The following CHRM2 variants were observed in gnomAD, a reference collection of about 807,000 sequenced individuals.
CHRM2 encodes cholinergic receptor muscarinic 2.
Under a neutral mutation model 25.0 loss-of-function variants are expected in CHRM2, and 8 were observed. The ratio of observed to expected loss-of-function variants is 0.32; its 90% CI spans 0.19 to 0.58. CHRM2 has a LOEUF of 0.58. Among genes scored for constraint, CHRM2 ranks in the 20% least tolerant of loss-of-function variants. CHRM2 has a pLI of 0.88. For synonymous variants in CHRM2, 202 were observed against 205.7 expected (o/e 0.98, Z 0.15); for missense variants, 440 against 567.1 (o/e 0.78, Z 2.28).
chr7:137,012,110 C>T (rs1490217314), intron 3 of CHRM2, among the ~76,000 whole-genome samples: 1 of 152,010 alleles, frequency 6.6e-6, no homozygotes, highest in Non-Finnish European at 1.5e-5. Context: ...AGAGTCAATA[C>T]ATTCATTTTT....
intron 2 of CHRM2, among the ~76,000 whole-genome samples, chr7:136,893,424 C>T (rs1796771897): frequency 1.3e-5 from 2 of 152,118 alleles, no homozygotes; most frequent in Non-Finnish European, 1.5e-5. Context: ...ATGACATAGT[C>T]GAGATAAATG....
intron 3 of CHRM2, among the ~76,000 whole-genome samples, chr7:137,003,346 A>G (rs935938848): frequency 6.6e-6 from 1 of 152,090 alleles, no homozygotes; most frequent in African/African-American, 2.4e-5. Context: ...CATTCCACTG[A>G]TGCTTTATGA....
intron 2 of CHRM2, among the ~76,000 whole-genome samples, chr7:136,893,453 C>T (rs1446870657): frequency 1.3e-5 from 2 of 152,092 alleles, no homozygotes; most frequent in Admixed American, 6.5e-5. Context: ...TCTTTCTTTC[C>T]TTTTACCATT....
intron 2 of CHRM2, among the ~76,000 whole-genome samples, chr7:136,988,975 G>T (rs945600535): frequency 6.6e-6 from 1 of 151,740 alleles, no homozygotes; most frequent in Admixed American, 6.6e-5. Context: ...AATACTTTTA[G>T]AATTTTACAG....
chr7:136,986,191 A>G (rs1204137887), intron 2 of CHRM2, among the ~76,000 whole-genome samples: 1 of 152,186 alleles, frequency 6.6e-6, no homozygotes, highest in African/African-American at 2.4e-5. Flanking sequence ...CCTCAGAACT[A>G]TCTTTAAAGT....
chr7:136,935,123 A>G (rs1799336094), intron 2 of CHRM2, among the ~76,000 whole-genome samples: 1 of 152,164 alleles, frequency 6.6e-6, no homozygotes, highest in South Asian at 2.1e-4. Flanking sequence ...ATTTAAATAT[A>G]AGAAGAGCCA....
intron 2 of CHRM2, among the ~76,000 whole-genome samples, chr7:136,884,901 C>G (rs1301015248): frequency 6.6e-6 from 1 of 152,184 alleles, no homozygotes; most frequent in African/African-American, 2.4e-5. Context: ...AAGATCAAAA[C>G]TTACAATGAA....
chr7:136,922,193 G>A (rs1246181993), intron 2 of CHRM2, among the ~76,000 whole-genome samples: 1 of 152,124 alleles, frequency 6.6e-6, no homozygotes, highest in Non-Finnish European at 1.5e-5. Context: ...CAGCAACTTT[G>A]GTGTCATCCT....
Position 136,990,514 on chromosome 7 carries a change from A to G in CHRM2, c.-124-1673A>G, listed in dbSNP as rs1803152708. ...TGCTGTCTCTCACGTAACAATATGC[A>G]TTTAATGTTCCCTTATGTCTTTTCA... On this transcript the variant is annotated intron_variant, in intron 2 of 3. Transcript: ENST00000680005. Among the ~76,000 whole-genome samples the G allele has an allele frequency of 2.6e-5, 4 of 152,240 alleles. No homozygotes were observed. The South Asian group carries it at 8.3e-4, about 32-fold the overall frequency.
intron 3 of CHRM2, among the ~76,000 whole-genome samples, chr7:137,010,532 T>C (rs949537877): frequency 4.0e-4 from 61 of 152,106 alleles, no homozygotes; most frequent in African/African-American, 1.4e-3. Flanking sequence ...AAGAGTAGAA[T>C]TGGCATGCAG....
intron 2 of CHRM2, among the ~76,000 whole-genome samples, chr7:136,981,738 T>C (rs1802502208): frequency 6.6e-6 from 1 of 152,220 alleles, no homozygotes; most frequent in Non-Finnish European, 1.5e-5. Context: ...GTTGTTCAGT[T>C]TCCATGTAGT....
chr7:136,919,238 T>C (rs1363056322), intron 2 of CHRM2, among the ~76,000 whole-genome samples: 1 of 152,128 alleles, frequency 6.6e-6, no homozygotes, highest in African/African-American at 2.4e-5. Context: ...AAAGTGGTGG[T>C]ATGCACTTTT....
chr7:137,004,776 A>G (rs1804309130), intron 3 of CHRM2, among the ~76,000 whole-genome samples: 1 of 152,002 alleles, frequency 6.6e-6, no homozygotes, highest in Non-Finnish European at 1.5e-5. Context: ...GCAGCTTTTT[A>G]TGTTTCTTCA....
In CHRM2 at chr7:136,979,411, T is replaced by C. The variant is rs547303753; in HGVS notation, c.-124-12776T>C. ...TCTGTAGGTTGCCTGTTCACTCTGA[T>C]GATAGTTTCTTTTGCTGTGTAGAAG... On this transcript the variant is annotated intron_variant, in intron 2 of 3. Coordinates refer to ENST00000680005, the MANE Select transcript of CHRM2 (RefSeq NM_001006630.2). Among the ~76,000 whole-genome samples, 4 of 152,362 alleles carry C rather than the reference T, an allele frequency of 2.6e-5. No individual in the cohort carries two copies. In the South Asian group the frequency reaches 8.3e-4, roughly 32 times the overall value.
intron 3 of CHRM2, among the ~76,000 whole-genome samples, chr7:136,996,101 G>A (rs1285133944): frequency 1.3e-5 from 2 of 151,708 alleles, no homozygotes; most frequent in Admixed American, 1.3e-4. Context: ...AATGTTTCTG[G>A]AGTGATTTTT....
At chr7:136,982,291 G>T (rs1802542002) in intron 2 of CHRM2, among the ~76,000 whole-genome samples, 1 of 152,022 alleles carries the variant, frequency 6.6e-6, no homozygotes, top group African/African-American at 2.4e-5. Flanking sequence ...CTTTTCATTT[G>T]CTTGGTAAAT....
chr7:136,978,612 C>T (rs989841469), intron 2 of CHRM2, among the ~76,000 whole-genome samples: 1 of 152,126 alleles, frequency 6.6e-6, no homozygotes, highest in Non-Finnish European at 1.5e-5. Context: ...GACCCACACC[C>T]CCCGACAGGC....
intron 2 of CHRM2, among the ~76,000 whole-genome samples, chr7:136,893,060 T>C (rs1286630428): frequency 1.3e-5 from 2 of 152,184 alleles, no homozygotes; most frequent in East Asian, 3.9e-4. Flanking sequence ...TCTTGTTCTC[T>C]CTTCCTAAAG....
intron 3 of CHRM2, among the ~76,000 whole-genome samples, chr7:136,994,400 T>G (rs1025826117): frequency 3.3e-5 from 5 of 152,090 alleles, no homozygotes; most frequent in Non-Finnish European, 5.9e-5. Context: ...AAAAATAAAC[T>G]CGCATTTTAT....
Sources: allele counts gnomAD v4.1 joint callset (sites outside exome capture counted in the v4.1 genomes callset), GRCh38; gene constraint gnomAD v4.1.1; transcripts MANE v1.5; gene names NCBI Gene and HGNC (gene_info 2026-07-23, HGNC 2026-07-21).